Variants in CDHR1 observed in about 807,000 individuals in gnomAD.
The protein encoded by CDHR1 is cadherin-related family member 1.
A neutral mutation model predicts 72.1 loss-of-function variants in CDHR1; 61 were observed. That is an observed-to-expected ratio of 0.85 (90% confidence interval 0.69 to 1.05). The LOEUF is 1.05. Ranked by LOEUF, CDHR1 falls within the 50% of genes least tolerant of loss-of-function variation. The pLI, the probability that CDHR1 is intolerant of heterozygous loss-of-function variation, is 0.00. For synonymous variants in CDHR1, 470 were observed against 448.1 expected (o/e 1.05, Z -0.62); for missense variants, 1,186 against 1,115.7 (o/e 1.06, Z -0.90).
rs1489368154 is a variant in CDHR1, at chr10:84,215,292, G to A, written c.*671G>A. 1.0e-6 allele frequency: 1 copy of A among 987,988 alleles called. No homozygotes were observed. Among genetic ancestry groups the A allele is most frequent in the Admixed American group, 5.9e-5 (1 of 16,876 alleles). The allele number at this position is 987,988 out of a possible 1,614,324, so 61.2% of individuals were successfully genotyped here. A position where few individuals can be genotyped will look rare whatever the true frequency, so the allele number is the denominator to read the frequency against. On this transcript the variant is annotated 3_prime_UTR_variant, in exon 17 of 17. Coordinates refer to ENST00000623527, the MANE Select transcript of CDHR1 (RefSeq NM_033100.4). ...TGGGACAGAGGACACAGAGGTGGAA[G>A]ATTGATCTTGCCAAGAGTGAGGGCA...
intron 12 of CDHR1, among the ~76,000 whole-genome samples, chr10:84,209,750 A>G (rs750143578): frequency 1.3e-5 from 2 of 152,234 alleles, no homozygotes; most frequent in African/African-American, 2.4e-5. Flanking sequence ...AAATAATAAG[A>G]AAATATGGGA....
At chr10:84,203,950 T>C (rs1013431919) in intron 8 of CDHR1, among the ~76,000 whole-genome samples, 6 of 151,598 alleles carry the variant, frequency 4.0e-5, no homozygotes, top group African/African-American at 1.5e-4. Flanking sequence ...AGAAGTAGCC[T>C]GGAGTTGACC....
intron 6 of CDHR1, among the ~76,000 whole-genome samples, 177 bp downstream of exon 6, chr10:84,200,864 T>G (rs894066833): frequency 1.3e-5 from 2 of 152,256 alleles, no homozygotes; most frequent in Admixed American, 1.3e-4. Flanking sequence ...CTTCCCCTGA[T>G]GGGCCCATCC....
At chr10:84,211,736 G>A (rs758532604) in intron 14 of CDHR1, 21 bp downstream of exon 14, 2 of 1,604,550 alleles carry the variant, frequency 1.2e-6, no homozygotes, top group Non-Finnish European at 1.7e-6. Context: ...CCAGAATCCA[G>A]GACAGGGCCT....
intron 3 of CDHR1, among the ~76,000 whole-genome samples, chr10:84,197,369 C>T (rs1239909367): frequency 1.3e-5 from 2 of 152,030 alleles, no homozygotes; most frequent in Admixed American, 6.5e-5. Flanking sequence ...CACTGAGACA[C>T]CATGGATGTG....
intron 4 of CDHR1, 103 bp from the exon 5 acceptor site, chr10:84,198,929 G>C: frequency 1.8e-5 from 15 of 841,226 alleles, no homozygotes; most frequent in Non-Finnish European, 2.0e-6. Context: ...AGAGAGAGGA[G>C]GGATGGGCAG....
intron 3 of CDHR1, among the ~76,000 whole-genome samples, 161 bp from the exon 4 acceptor site, chr10:84,197,625 G>A (rs1010654893): frequency 2.0e-5 from 3 of 152,092 alleles, no homozygotes; most frequent in African/African-American, 7.2e-5. Context: ...TTTCTACTCT[G>A]CCAGGCATGC....
chr10:84,214,522 A>G lies in CDHR1; in HGVS notation c.2481A>G (p.Pro827=). ...SLTPQPTQPP[P]KPKTMGSPVQ... Reference sequence around the variant, plus strand: ...CTCCGCAGCCGACCCAACCCCCGCCAAAACCCAAAACTATGGGAAGCCCCG... The same window carrying G: ...CTCCGCAGCCGACCCAACCCCCGCCGAAACCCAAAACTATGGGAAGCCCCG... Residue 827 remains proline (P), a synonymous_variant, in exon 17 of 17, where the codon CCA becomes CCG. Transcript: ENST00000623527. 1 of 1,603,676 alleles carries G rather than the reference A, an allele frequency of 6.2e-7. No homozygotes were observed. Among genetic ancestry groups the G allele is most frequent in the East Asian group, 2.2e-5 (1 of 44,844 alleles).
At chr10:84,202,037 G>C in intron 7 of CDHR1, 117 bp downstream of exon 7, 1 of 773,946 alleles carries the variant, frequency 1.3e-6, no homozygotes, top group Non-Finnish European at 2.2e-6. Flanking sequence ...ATGGGCGTGG[G>C]GAAATAGGGA....
chr10:84,200,519 C>T, intron 5 of CDHR1, 82 bp from the exon 6 acceptor site: 1 of 915,018 alleles, frequency 1.1e-6, no homozygotes, highest in East Asian at 2.6e-5. Flanking sequence ...CCCGACCCCA[C>T]TGCTGCATGC....
At chr10:84,207,751 T>G (rs370049253) in intron 10 of CDHR1, among the ~76,000 whole-genome samples, 1 of 152,186 alleles carries the variant, frequency 6.6e-6, no homozygotes, top group Non-Finnish European at 1.5e-5. Context: ...GTCCCTCACA[T>G]GGTTGCAATC....
At chr10:84,198,971 A>G (rs1263708578) in intron 4 of CDHR1, 61 bp from the exon 5 acceptor site, 2 of 1,251,206 alleles carry the variant, frequency 1.6e-6, no homozygotes, top group African/African-American at 1.5e-5. Context: ...AGAGGTCGCT[A>G]TCCATTCATC....
At position 84,200,527 on chromosome 10, in the gene CDHR1, T is replaced by C. The variant is rs185604714; in HGVS notation, c.439-74T>C. On this transcript the variant is annotated intron_variant, in intron 5 of 16. Transcript: ENST00000623527. ...TTCACTCCCCGACCCCACTGCTGCATGCCCCTATGCCTCTGTCCCCCTGAG... is the reference window on the plus strand; with the variant it reads ...TTCACTCCCCGACCCCACTGCTGCACGCCCCTATGCCTCTGTCCCCCTGAG... 22 of 968,672 alleles carry C rather than the reference T, an allele frequency of 2.3e-5. No individual in the cohort carries two copies. The African/African-American group carries it at 3.1e-4, about 14-fold the overall frequency. 60.0% of individuals were successfully genotyped at this position (968,672 alleles called of 1,614,324 possible). A position where few individuals can be genotyped will look rare whatever the true frequency, so the allele number is the denominator to read the frequency against.
At position 84,205,854 on chromosome 10, in the gene CDHR1, A is replaced by G; in HGVS notation, c.890A>G (p.Glu297Gly). The G allele has an allele frequency of 6.2e-7, 1 of 1,614,016 alleles. No individual in the cohort carries two copies. Among genetic ancestry groups the G allele is most frequent in the South Asian group, 1.1e-5 (1 of 91,062 alleles). Residue 297 changes from glutamate (E) to glycine (G), a missense_variant, in exon 10 of 17, where the codon GAG (glutamate) becomes GGG (glycine). By Grantham distance (98) the Glu-to-Gly change is moderately conservative. Coordinates refer to ENST00000623527, the MANE Select transcript of CDHR1 (RefSeq NM_033100.4). Reference sequence around the variant, plus strand: ...AACGATGGAGCCTTTGAAATTAATGAGACATCTGGAGCCATCTCCATCACT... The same window carrying G: ...AACGATGGAGCCTTTGAAATTAATGGGACATCTGGAGCCATCTCCATCACT... Reference protein sequence around the residue: ...NGNDGAFEINETSGAISITQS... With the variant: ...NGNDGAFEINGTSGAISITQS...
intron 1 of CDHR1, 125 bp downstream of exon 1, chr10:84,194,940 G>A: frequency 1.0e-6 from 1 of 952,492 alleles, no homozygotes; most frequent in Non-Finnish European, 1.6e-6. Flanking sequence ...CTGGTGGACG[G>A]GAGCGGAGAA....
In CDHR1 at chr10:84,215,062, GC is replaced by G. The variant is rs1842405792; in HGVS notation, c.*442del. ...TAGAATCTGGATCCTGACGCCTGCA[GC>G]TGAGAGCAGGAGCAGGAAAAGGAGG... On this transcript the variant is annotated 3_prime_UTR_variant, in exon 17 of 17. Coordinates refer to ENST00000623527, the MANE Select transcript of CDHR1 (RefSeq NM_033100.4). The G allele has an allele frequency of 9.4e-7, 1 of 1,068,550 alleles. No homozygotes were observed. The allele number at this position is 1,068,550 out of a possible 1,614,324, so 66.2% of individuals were successfully genotyped here. A position where few individuals can be genotyped will look rare whatever the true frequency, so the allele number is the denominator to read the frequency against.
At chr10:84,201,594 C>T (rs955007532) in intron 6 of CDHR1, among the ~76,000 whole-genome samples, 3 of 152,198 alleles carry the variant, frequency 2.0e-5, no homozygotes, top group African/African-American at 7.2e-5. Flanking sequence ...CAAAAGGGAA[C>T]CTTGTGTTTT....
intron 5 of CDHR1, among the ~76,000 whole-genome samples, chr10:84,200,063 G>C (rs534647561): frequency 2.6e-5 from 4 of 151,964 alleles, no homozygotes; most frequent in Admixed American, 6.6e-5. Flanking sequence ...CAAGCTACTC[G>C]AGAGGCTGAG....
At position 84,212,171 on chromosome 10, in the gene CDHR1, C is replaced by T. The variant is rs1842343650; in HGVS notation, c.1554-8C>T. On this transcript the variant is annotated splice_polypyrimidine_tract_variant and splice_region_variant and intron_variant, in intron 14 of 16. Transcript: ENST00000623527. Reference sequence around the variant, plus strand: ...TGCACACCCATGCCTATGTGCTCTGCCTGGCAGCTTCCTGATCCACCCATC... The same window carrying T: ...TGCACACCCATGCCTATGTGCTCTGTCTGGCAGCTTCCTGATCCACCCATC... The T allele has an allele frequency of 1.2e-6, 2 of 1,612,466 alleles. No individual in the cohort carries two copies. The highest frequency in any genetic ancestry group is 2.2e-5 in the East Asian group (1 of 44,898).
Sources: allele counts gnomAD v4.1 joint callset (sites outside exome capture counted in the v4.1 genomes callset), GRCh38; gene constraint gnomAD v4.1.1; transcripts MANE v1.5; gene names NCBI Gene and HGNC (gene_info 2026-07-23, HGNC 2026-07-21).